Variants in HS6ST3 observed in about 807,000 individuals in gnomAD.
HS6ST3 encodes heparan sulfate 6-O-sulfotransferase 3.
Under a neutral mutation model 36.7 loss-of-function variants are expected in HS6ST3, and 12 were observed. The ratio of observed to expected loss-of-function variants is 0.33; its 90% CI spans 0.21 to 0.53. The LOEUF (loss-of-function observed/expected upper bound fraction) is 0.53, where lower values mean the gene tolerates loss of function less well. Among genes scored for constraint, HS6ST3 ranks in the 20% least tolerant of loss-of-function variants. The pLI is 0.95. For missense variants in HS6ST3, 584 were observed against 640.9 expected, an observed-to-expected ratio of 0.91 and a Z score of 0.96; for synonymous variants, 240 against 257.5, an observed-to-expected ratio of 0.93 and a Z score of 0.65.
At chr13:96,773,182 T>C (rs1463924798) in intron 1 of HS6ST3, among the ~76,000 whole-genome samples, 2 of 152,226 alleles carry the variant, frequency 1.3e-5, no homozygotes, top group African/African-American at 4.8e-5. Flanking sequence ...GACCAGGAGA[T>C]TCCTTTGGGT....
chr13:96,756,030 A>G (rs992276709), intron 1 of HS6ST3, among the ~76,000 whole-genome samples: 1 of 152,164 alleles, frequency 6.6e-6, no homozygotes, highest in Non-Finnish European at 1.5e-5. Context: ...TAAGTGTGAA[A>G]TGTTAACTCA....
At chr13:96,830,085 T>C (rs1878742914) in intron 1 of HS6ST3, among the ~76,000 whole-genome samples, 1 of 152,090 alleles carries the variant, frequency 6.6e-6, no homozygotes, top group Non-Finnish European at 1.5e-5. Flanking sequence ...AGATATTTAA[T>C]AAACATATGA....
chr13:96,427,239 C>T lies in HS6ST3; in HGVS notation c.707+335670C>T, dbSNP rs867666807. The T allele has an allele frequency of 5.8e-5, 9 of 154,418 alleles. No individual in the cohort carries two copies. In the Middle Eastern group the frequency reaches 4.7e-3, roughly 80 times the overall value. The allele number at this position is 154,418 out of a possible 1,614,324, so 9.6% of individuals were successfully genotyped here. ...CAGTCTATCACTTGTTATGTGACCT[C>T]GGATGAATCACTGAAATATGTCTGA... On this transcript the variant is annotated intron_variant, in intron 1 of 1. Coordinates refer to ENST00000376705, the MANE Select transcript of HS6ST3 (RefSeq NM_153456.4).
intron 1 of HS6ST3, among the ~76,000 whole-genome samples, chr13:96,623,990 A>G (rs1171266743): frequency 6.6e-6 from 1 of 152,240 alleles, no homozygotes; most frequent in Non-Finnish European, 1.5e-5. Context: ...TCCACTAAGT[A>G]TCTACCTTTT....
intron 1 of HS6ST3, among the ~76,000 whole-genome samples, chr13:96,813,617 C>A (rs1594866596): frequency 6.6e-6 from 1 of 152,346 alleles, no homozygotes. Context: ...TCAGCTCACT[C>A]TATGCCCAGC....
intron 1 of HS6ST3, among the ~76,000 whole-genome samples, chr13:96,240,878 G>A (rs181068591): frequency 3.9e-5 from 6 of 152,340 alleles, no homozygotes; most frequent in Admixed American, 1.3e-4. Context: ...AAGGCCAGGG[G>A]CAGGAATAGA....
At chr13:96,832,249 C>T (rs927045288) in intron 1 of HS6ST3, among the ~76,000 whole-genome samples, 2 of 152,082 alleles carry the variant, frequency 1.3e-5, no homozygotes, top group African/African-American at 4.8e-5. Flanking sequence ...TCTTTCCACC[C>T]CATGCTTCCC....
chr13:96,488,619 G>A (rs1261735206), intron 1 of HS6ST3, among the ~76,000 whole-genome samples: 2 of 152,060 alleles, frequency 1.3e-5, no homozygotes, highest in Admixed American at 1.3e-4. Flanking sequence ...GTGGTTGGCT[G>A]TTTATGAAGA....
At chr13:96,216,405 T>A (rs769901277) in intron 1 of HS6ST3, among the ~76,000 whole-genome samples, 4 of 152,222 alleles carry the variant, frequency 2.6e-5, no homozygotes, top group Non-Finnish European at 5.9e-5. Context: ...AAAGTTTCTT[T>A]CCTTCCTGCT....
intron 1 of HS6ST3, among the ~76,000 whole-genome samples, chr13:96,498,860 T>A (rs1355123444): frequency 1.3e-5 from 2 of 152,196 alleles, no homozygotes; most frequent in Non-Finnish European, 2.9e-5. Flanking sequence ...TTCTCCTACC[T>A]TGTTATTGGG....
intron 1 of HS6ST3, among the ~76,000 whole-genome samples, chr13:96,114,101 ATG>A (rs893370356): frequency 6.6e-6 from 1 of 151,906 alleles, no homozygotes; most frequent in African/African-American, 2.4e-5. Context: ...AGTTGTGAAA[ATG>A]TGGGTAATTT....
intron 1 of HS6ST3, among the ~76,000 whole-genome samples, chr13:96,158,725 C>T (rs1594698433): frequency 6.6e-6 from 1 of 150,770 alleles, no homozygotes; most frequent in African/African-American, 2.4e-5. Context: ...GGAAGACAGC[C>T]GGGAAAGTTT....
chr13:96,166,979 T>C lies in HS6ST3; in HGVS notation c.707+75410T>C, dbSNP rs145142784. ...GCTGCTGCCATGTGAAAAGGACATG[T>C]TTGCTTCCCTTCCCACATGATTGTA... On this transcript the variant is annotated intron_variant, in intron 1 of 1. Transcript: ENST00000376705. 2.7e-3 allele frequency among the ~76,000 whole-genome samples: 407 copies of C among 152,258 alleles called. 4 individuals are homozygous for C. The highest frequency in any genetic ancestry group is 9.4e-3 in the African/African-American group (390 of 41,544).
chr13:96,779,297 A>G (rs544969826), intron 1 of HS6ST3, among the ~76,000 whole-genome samples: 6 of 150,544 alleles, frequency 4.0e-5, no homozygotes, highest in African/African-American at 1.5e-4. Context: ...CTGCACATGT[A>G]TTCCAGAACT....
intron 1 of HS6ST3, among the ~76,000 whole-genome samples, chr13:96,292,219 T>C (rs1166509257): frequency 3.3e-5 from 5 of 151,994 alleles, no homozygotes; most frequent in Admixed American, 3.3e-4. Context: ...AATGTGTGTG[T>C]GTGTGTGTGT....
intron 1 of HS6ST3, among the ~76,000 whole-genome samples, chr13:96,479,002 A>G (rs1380110476): frequency 1.3e-5 from 2 of 152,204 alleles, no homozygotes; most frequent in Non-Finnish European, 2.9e-5. Context: ...CTGTTTCACA[A>G]ATACCTGCTG....
chr13:96,535,939 C>G (rs1454345680), intron 1 of HS6ST3, among the ~76,000 whole-genome samples: 1 of 152,202 alleles, frequency 6.6e-6, no homozygotes, highest in African/African-American at 2.4e-5. Context: ...TAAAGTGTTA[C>G]TAATTGAGAT....
rs921525067 is a variant in HS6ST3, at chr13:96,091,062, G to A, written c.200G>A (p.Arg67Gln). The A allele has an allele frequency of 8.7e-6, 11 of 1,269,706 alleles. No individual in the cohort carries two copies. In the African/African-American group the frequency reaches 1.6e-4, roughly 18 times the overall value. The allele number at this position is 1,269,706 out of a possible 1,614,324, so 78.7% of individuals were successfully genotyped here. The part of the protein sequence containing the change: ...RAQAPPEEWE[R>Q]RPQLPPPPRG... ...CAGGCGCCGCCGGAGGAGTGGGAGC[G>A]GCGGCCCCAGTTGCCCCCGCCGCCC... Residue 67 changes from arginine (R) to glutamine (Q), a missense_variant, in exon 1 of 2, where the codon CGG (arginine) becomes CAG (glutamine). Transcript: ENST00000376705.
At chr13:96,234,193 T>C (rs1341113453) in intron 1 of HS6ST3, among the ~76,000 whole-genome samples, 1 of 151,944 alleles carries the variant, frequency 6.6e-6, no homozygotes, top group Non-Finnish European at 1.5e-5. Flanking sequence ...GCAGATCACC[T>C]GAGGTCAGGA....
Sources: allele counts gnomAD v4.1 joint callset (sites outside exome capture counted in the v4.1 genomes callset), GRCh38; gene constraint gnomAD v4.1.1; transcripts MANE v1.5; gene names NCBI Gene and HGNC (gene_info 2026-07-23, HGNC 2026-07-21).